Variants in ATP11A observed in about 807,000 individuals in gnomAD.
ATP11A encodes ATPase phospholipid transporting 11A.
In ATP11A, 81 loss-of-function variants were observed where a neutral mutation model predicts 154.4. The ratio of observed to expected loss-of-function variants is 0.52; its 90% confidence interval spans 0.44 to 0.63. The LOEUF (loss-of-function observed/expected upper bound fraction) is 0.63. Among genes scored for constraint, ATP11A ranks in the 30% least tolerant of loss-of-function variants. The pLI is 0.00. For missense variants in ATP11A, 1,316 were observed against 1,474.3 expected, an observed-to-expected ratio of 0.89 and a Z score of 1.76; for synonymous variants, 623 against 585.9, an observed-to-expected ratio of 1.06 and a Z score of -0.91.
chr13:112,775,002 C>T (rs762879278), intron 1 of ATP11A, among the ~76,000 whole-genome samples: 3 of 152,348 alleles, frequency 2.0e-5, no homozygotes, highest in South Asian at 2.1e-4. Flanking sequence ...CCCACTTCAT[C>T]GGGGTAGGCG....
Position 112,832,925 on chromosome 13 carries a change from C to T in ATP11A, c.1461C>T (p.Asp487=). ...LCHTVQVKDD[D]SVDGPRKSPD... ...ACACCGTCCAGGTGAAAGACGATGA[C>T]AGCGTAGACGGCCCCAGGAAATCGC... The change falls in exon 14 of 30, where the codon GAC becomes GAT. Residue 487 remains aspartate, a synonymous_variant. Coordinates refer to ENST00000375645, the MANE Select transcript of ATP11A (RefSeq NM_015205.3). The T allele has an allele frequency of 6.2e-7, 1 of 1,614,110 alleles. No homozygotes were observed. Among genetic ancestry groups the T allele is most frequent in the Non-Finnish European group, 8.5e-7 (1 of 1,179,990 alleles).
chr13:112,873,367 C>A, intron 26 of ATP11A: 4 of 386,640 alleles, frequency 1.0e-5, no homozygotes, highest in East Asian at 4.4e-5. Context: ...TCTTCCTGAG[C>A]GGTGTGAGGT....
chr13:112,814,130 C>T (rs1459973990), intron 5 of ATP11A, among the ~76,000 whole-genome samples: 1 of 151,930 alleles, frequency 6.6e-6, no homozygotes, highest in Non-Finnish European at 1.5e-5. Context: ...GTGGCGCAAT[C>T]TCGGCTCACT....
chr13:112,873,439 G>C (rs2080607877), intron 26 of ATP11A, 134 bp from the exon 27 acceptor site: 3 of 614,276 alleles, frequency 4.9e-6, no homozygotes, highest in Non-Finnish European at 8.3e-6. Context: ...GTGTTTTGCA[G>C]GCATTGAGTC....
At chr13:112,856,900 A>G (rs1048054853) in intron 20 of ATP11A, 2 of 152,170 alleles carry the variant, frequency 1.3e-5, no homozygotes, top group Non-Finnish European at 2.9e-5. Flanking sequence ...TAATCTGTCA[A>G]TTTCACTAAA....
At chr13:112,865,606 A>G (rs185176489) in intron 25 of ATP11A, among the ~76,000 whole-genome samples, 84 of 152,232 alleles carry the variant, frequency 5.5e-4, no homozygotes, top group Middle Eastern at 3.4e-3. Flanking sequence ...TTGGAGTGCA[A>G]TGGCGCAGTC....
intron 20 of ATP11A, 94 bp from the exon 21 acceptor site, chr13:112,857,724 T>C: frequency 9.6e-7 from 1 of 1,044,164 alleles, no homozygotes; most frequent in East Asian, 2.6e-5. Context: ...TTGCCTAGGC[T>C]AACTTTTCAT....
Position 112,690,301 on chromosome 13 carries a change from C to T in ATP11A, c.-116C>T, listed in dbSNP as rs1206082709. The T allele has an allele frequency of 4.6e-5, 35 of 753,952 alleles. No individual in the cohort carries two copies. The highest frequency in any genetic ancestry group is 5.9e-5 in the Non-Finnish European group (35 of 591,616). 46.7% of individuals were successfully genotyped at this position (753,952 alleles called of 1,614,324 possible). On this transcript the variant is annotated 5_prime_UTR_variant, in exon 1 of 30. Coordinates refer to ENST00000375645, the MANE Select transcript of ATP11A (RefSeq NM_015205.3). The surrounding 1 kb of genome is among the most constrained non-coding windows in gnomAD (Gnocchi z 5.6). ...CGGCCGCCCCCTGCACCGCCCGGCG[C>T]GCCGAGGCCGTGACCGGAGCGGGGG... is the stretch of plus-strand genomic sequence containing the variant.
In ATP11A at chr13:112,843,850, G is replaced by A. The variant is rs114961412; in HGVS notation, c.1809+1471G>A. ...TCATCTTTACGTTGCTATTAAAACA[G>A]CTCCTGGCACTACAAAGTAGCTGCG... On this transcript the variant is annotated intron_variant, in intron 17 of 29. Coordinates refer to ENST00000375645, the MANE Select transcript of ATP11A (RefSeq NM_015205.3). Among the ~76,000 whole-genome samples the A allele has an allele frequency of 4.1e-3, 630 of 152,314 alleles. 11 individuals are homozygous for A. Among genetic ancestry groups the A allele is most frequent in the African/African-American group, 0.015 (611 of 41,554 alleles).
intron 1 of ATP11A, among the ~76,000 whole-genome samples, chr13:112,752,288 G>A (rs539788884): frequency 2.0e-5 from 3 of 152,296 alleles, no homozygotes; most frequent in Admixed American, 2.0e-4. Context: ...AGTGGGGCTC[G>A]GGGCCGGGAG....
chr13:112,714,028 A>C (rs1383275589), intron 1 of ATP11A, among the ~76,000 whole-genome samples: 7 of 48,046 alleles, frequency 1.5e-4, no homozygotes, highest in Admixed American at 2.5e-4. Context: ...CTGATCCCAC[A>C]CCTCCCTTTC....
At chr13:112,762,469 A>G (rs2076984853) in intron 1 of ATP11A, among the ~76,000 whole-genome samples, 1 of 152,022 alleles carries the variant, frequency 6.6e-6, no homozygotes, top group African/African-American at 2.4e-5. Context: ...TGATGCAACA[A>G]TCACTTGTTG....
chr13:112,742,407 CTG>C (rs1891656122), intron 1 of ATP11A, among the ~76,000 whole-genome samples: 1 of 152,142 alleles, frequency 6.6e-6, no homozygotes, highest in Admixed American at 6.5e-5. Flanking sequence ...GCGCTGGTCT[CTG>C]TGGGAGACTG....
chr13:112,854,144 G>A lies in ATP11A; in HGVS notation c.1992-135G>A. 9 of 1,188,954 alleles carry A rather than the reference G, an allele frequency of 7.6e-6. No homozygotes were observed. In the South Asian group the frequency reaches 8.9e-5, roughly 12 times the overall value. The allele number at this position is 1,188,954 out of a possible 1,614,324, so 73.7% of individuals were successfully genotyped here. A position where few individuals can be genotyped will look rare whatever the true frequency, so the allele number is the denominator to read the frequency against. On this transcript the variant is annotated intron_variant, in intron 18 of 29. Transcript: ENST00000375645. ...TCAGTACTTCGTGGTGAGATCATGA[G>A]CCACAGTGTGGAGTGTTTTGATTTT... is the stretch of plus-strand genomic sequence containing the variant.
Position 112,718,671 on chromosome 13 carries a change from C to T in ATP11A, c.39+28216C>T, listed in dbSNP as rs1446576781. 5.9e-5 allele frequency among the ~76,000 whole-genome samples: 8 copies of T among 134,638 alleles called. No homozygotes were observed. In the Middle Eastern group the frequency reaches 0.019, roughly 326 times the overall value. 88.3% of individuals were successfully genotyped at this position (134,638 alleles called of 152,430 possible). A position where few individuals can be genotyped will look rare whatever the true frequency, so the allele number is the denominator to read the frequency against. On this transcript the variant is annotated intron_variant, in intron 1 of 29. Coordinates refer to ENST00000375645, the MANE Select transcript of ATP11A (RefSeq NM_015205.3). The stretch of plus-strand genomic sequence containing the variant: ...GACCAGGGTGGGCTTGCAGGCTGCA[C>T]TTTTTTTTTTTTTTTTGAGACTGAG...
chr13:112,807,975 G>A lies in ATP11A; in HGVS notation c.333+1682G>A, dbSNP rs866481155. 3.3e-5 allele frequency among the ~76,000 whole-genome samples: 5 copies of A among 152,232 alleles called. No homozygotes were observed. Among genetic ancestry groups the A allele is most frequent in the Middle Eastern group, 3.4e-3 (1 of 294 alleles). On this transcript the variant is annotated intron_variant, in intron 4 of 29. Coordinates refer to ENST00000375645, the MANE Select transcript of ATP11A (RefSeq NM_015205.3). This position sits in a 1 kb window ranked among gnomAD's most constrained non-coding sequence, Gnocchi z 4.5. The stretch of plus-strand genomic sequence containing the variant: ...ATTTGTTAAGGATTCCATCCCTCCC[G>A]GGACTCTACTGAGCAGGAAACTCCT...
At position 112,754,263 on chromosome 13, in the gene ATP11A, A is replaced by C. The variant is rs1326388037; in HGVS notation, c.40-30872A>C. Among the ~76,000 whole-genome samples the C allele has an allele frequency of 6.6e-6, 1 of 151,936 alleles. No individual in the cohort carries two copies. Among genetic ancestry groups the C allele is most frequent in the East Asian group, 1.9e-4 (1 of 5,168 alleles). Reference sequence around the variant, plus strand: ...CGGGTTCTCACTGGCGGGACTGTTCACCTCTGCAATCTGCCCCTTAGTGCC... The same window carrying C: ...CGGGTTCTCACTGGCGGGACTGTTCCCCTCTGCAATCTGCCCCTTAGTGCC... On this transcript the variant is annotated intron_variant, in intron 1 of 29. Coordinates refer to ENST00000375645, the MANE Select transcript of ATP11A (RefSeq NM_015205.3). The surrounding 1 kb of genome is among the most constrained non-coding windows in gnomAD (Gnocchi z 5.3).
intron 1 of ATP11A, among the ~76,000 whole-genome samples, chr13:112,698,673 A>T (rs1227443154): frequency 6.6e-6 from 1 of 152,202 alleles, no homozygotes; most frequent in Non-Finnish European, 1.5e-5. Context: ...CTTTGGGCAG[A>T]TTAATCATTA....
chr13:112,801,543 C>G (rs903647844), intron 2 of ATP11A, among the ~76,000 whole-genome samples: 1 of 152,130 alleles, frequency 6.6e-6, no homozygotes, highest in Non-Finnish European at 1.5e-5. Flanking sequence ...GCAGAAAATC[C>G]CAAAGAACCA....
Sources: allele counts gnomAD v4.1 joint callset (sites outside exome capture counted in the v4.1 genomes callset), GRCh38; gene constraint gnomAD v4.1.1; non-coding constraint Gnocchi (gnomAD v3.1); transcripts MANE v1.5; gene names NCBI Gene and HGNC (gene_info 2026-07-23, HGNC 2026-07-21).